CNTRL: variants seen among roughly 807,000 people sequenced by gnomAD.
CNTRL encodes centriolin.
In CNTRL, 233 loss-of-function variants were observed where a neutral mutation model predicts 303.7. The ratio of observed to expected loss-of-function variants is 0.77; its 90% CI spans 0.69 to 0.86. The LOEUF is 0.86. Ranked by LOEUF, CNTRL falls within the 40% of genes least tolerant of loss-of-function variation. The pLI is 0.00. For missense variants in CNTRL, 2,524 were observed against 2,650.6 expected (o/e 0.95, Z 1.05); for synonymous variants, 900 against 922.2 (o/e 0.98, Z 0.44).
intron 14 of CNTRL, among the ~76,000 whole-genome samples, chr9:121,128,456 T>C (rs1210417425): frequency 3.9e-5 from 6 of 152,260 alleles, no homozygotes; most frequent in Non-Finnish European, 8.8e-5. Flanking sequence ...TTGAGAAATG[T>C]CTATTCGTAT....
rs1314388164 is a variant in CNTRL, at chr9:121,154,912, AG to A, written c.4365+1del. 6.2e-7 allele frequency: 1 copy of A among 1,613,954 alleles called. No individual in the cohort carries two copies. ...AESELSCTKE[K>X]TKNAVEKFTD... The stretch of plus-strand genomic sequence containing the variant: ...AGTGAACTTTCATGCACTAAAGAAA[AG>A]GTTTGTCTTCTTGTGGTTTGGGGTG... On this transcript the variant is annotated frameshift_variant and splice_region_variant, in exon 27 of 44. Coordinates refer to ENST00000373855, the MANE Select transcript of CNTRL (RefSeq NM_007018.6). LOFTEE classifies it high-confidence loss of function.
chr9:121,110,686 G>C lies in CNTRL; in HGVS notation c.1003-1773G>C, dbSNP rs114305142. 8.6e-3 allele frequency among the ~76,000 whole-genome samples: 1,308 copies of C among 151,846 alleles called. 24 individuals are homozygous for C. Among genetic ancestry groups the C allele is most frequent in the African/African-American group, 0.03 (1,234 of 41,264 alleles). ...GCTTGTCTTCTTGGGAAATGTGGTT[G>C]TGTGCGTATGTATTATTTTTTTTTA... On this transcript the variant is annotated intron_variant, in intron 8 of 43. Transcript: ENST00000373855.
At chr9:121,101,266 A>G (rs555551531) in intron 7 of CNTRL, among the ~76,000 whole-genome samples, 24 of 152,352 alleles carry the variant, frequency 1.6e-4, no homozygotes, top group African/African-American at 3.8e-4. Context: ...CCGCTCAACT[A>G]CATGGAAACT....
intron 8 of CNTRL, among the ~76,000 whole-genome samples, chr9:121,110,463 T>G (rs1315524438): frequency 6.6e-6 from 1 of 152,102 alleles, no homozygotes; most frequent in Non-Finnish European, 1.5e-5. Flanking sequence ...GCAACTTGTA[T>G]TATTACAGTT....
chr9:121,144,219 T>A, intron 20 of CNTRL, 137 bp downstream of exon 20: 1 of 722,466 alleles, frequency 1.4e-6, no homozygotes, highest in Non-Finnish European at 2.2e-6. Flanking sequence ...TCTTAAGACC[T>A]AAAGATTATA....
At chr9:121,165,872 T>C (rs2053069608) in intron 35 of CNTRL, among the ~76,000 whole-genome samples, 1 of 152,196 alleles carries the variant, frequency 6.6e-6, no homozygotes, top group Non-Finnish European at 1.5e-5. Context: ...GTATTATCTG[T>C]AATTTTTTCG....
chr9:121,132,690 C>A (rs2050936314), intron 14 of CNTRL, among the ~76,000 whole-genome samples: 1 of 152,162 alleles, frequency 6.6e-6, no homozygotes. Flanking sequence ...TGAGAAGCTG[C>A]CATCCTTTGG....
intron 25 of CNTRL, chr9:121,150,716 C>T (rs1242500407): frequency 8.4e-6 from 4 of 478,292 alleles, no homozygotes; most frequent in African/African-American, 5.9e-5. Context: ...ATTGCTTGAG[C>T]CTAGGAATTC....
chr9:121,089,090 G>A (rs1295131618), intron 3 of CNTRL, among the ~76,000 whole-genome samples: 2 of 152,168 alleles, frequency 1.3e-5, no homozygotes, highest in Non-Finnish European at 2.9e-5. Flanking sequence ...AACTTCAAAA[G>A]TAAGTTATTC....
intron 4 of CNTRL, 152 bp downstream of exon 4, chr9:121,090,557 C>G (rs1402751651): frequency 1.4e-6 from 1 of 713,978 alleles, no homozygotes; most frequent in Non-Finnish European, 2.2e-6. Context: ...TATGACATTT[C>G]CAAATTAATA....
intron 8 of CNTRL, among the ~76,000 whole-genome samples, chr9:121,108,807 A>G (rs2049603730): frequency 6.6e-6 from 1 of 152,130 alleles, no homozygotes; most frequent in Non-Finnish European, 1.5e-5. Context: ...TTTATATACA[A>G]AATTAATGTA....
chr9:121,090,713 T>C (rs1415421051), intron 4 of CNTRL, among the ~76,000 whole-genome samples: 1 of 152,258 alleles, frequency 6.6e-6, no homozygotes, highest in Non-Finnish European at 1.5e-5. Context: ...GTTTACATAT[T>C]GTCTGTGGTT....
chr9:121,123,984 C>T lies in CNTRL; in HGVS notation c.1704C>T (p.Asn568=). The change falls in exon 13 of 44, where the codon AAC becomes AAT. Residue 568 remains asparagine (N), a synonymous_variant. Transcript: ENST00000373855. ...AAGAACAACAGCTTGACATTATGAA[C>T]AAGCAGTACCAACAACTTGAAAGTC... The part of the protein sequence containing the change: ...SGKEQQLDIM[N]KQYQQLESRL... The T allele has an allele frequency of 6.2e-7, 1 of 1,611,480 alleles. No individual in the cohort carries two copies. Among genetic ancestry groups the T allele is most frequent in the Non-Finnish European group, 8.5e-7 (1 of 1,178,886 alleles).
intron 8 of CNTRL, among the ~76,000 whole-genome samples, chr9:121,112,136 A>T (rs2049774389): frequency 6.6e-6 from 1 of 152,194 alleles, no homozygotes; most frequent in South Asian, 2.1e-4. Context: ...GGTATTTATT[A>T]GGCCAGTTAC....
chr9:121,122,013 G>A, intron 12 of CNTRL: 1 of 791,962 alleles, frequency 1.3e-6, no homozygotes, highest in South Asian at 5.8e-5. Flanking sequence ...AGAGATGTAA[G>A]TTCCTGTTTT....
At position 121,161,961 on chromosome 9, in the gene CNTRL, C is replaced by T; in HGVS notation, c.5195C>T (p.Ala1732Val). ...TCTGAATTAGAGAAGACTCAGGTGGCAGTGCTAGAGGTAATGAACAAAGCC... is the reference window on the plus strand; with the variant it reads ...TCTGAATTAGAGAAGACTCAGGTGGTAGTGCTAGAGGTAATGAACAAAGCC... Reference protein sequence around the residue: ...RVSELEKTQVAVLEEKLELEN... With the variant: ...RVSELEKTQVVVLEEKLELEN... Residue 1732 changes from alanine to valine, a missense_variant, in exon 33 of 44, where the codon GCA becomes GTA. Transcript: ENST00000373855. 6.2e-7 allele frequency: 1 copy of T among 1,613,798 alleles called. No individual in the cohort carries two copies. The highest frequency in any genetic ancestry group is 8.5e-7 in the Non-Finnish European group (1 of 1,179,710).
chr9:121,143,553 A>T (rs2051650223), intron 19 of CNTRL, among the ~76,000 whole-genome samples: 1 of 152,128 alleles, frequency 6.6e-6, no homozygotes, highest in South Asian at 2.1e-4. Flanking sequence ...TGCTCCTCCT[A>T]TCATTTTCTC....
chr9:121,157,552 G>T lies in CNTRL; in HGVS notation c.4448G>T (p.Arg1483Ile). ...TCAGATGCTGAGGAATTAGAAAGGA[G>T]AGCTCAGGAAACTGCTGTTAACCTC... The part of the protein sequence containing the change: ...TESDAEELER[R>I]AQETAVNLVK... Residue 1483 changes from arginine to isoleucine, a missense_variant, in exon 28 of 44, where the codon AGA (arginine) becomes ATA (isoleucine). Arg to Ile is a moderately conservative substitution (Grantham distance 97). Coordinates refer to ENST00000373855, the MANE Select transcript of CNTRL (RefSeq NM_007018.6). 6.2e-7 allele frequency: 1 copy of T among 1,614,162 alleles called. No individual in the cohort carries two copies. The highest frequency in any genetic ancestry group is 8.5e-7 in the Non-Finnish European group (1 of 1,180,006).
intron 36 of CNTRL, among the ~76,000 whole-genome samples, chr9:121,166,473 A>G (rs2053095640): frequency 6.6e-6 from 1 of 152,174 alleles, no homozygotes; most frequent in South Asian, 2.1e-4. Flanking sequence ...TTGGGGTTTC[A>G]GGGACCAGAT....
Sources: gnomAD v4.1 joint callset for allele counts (sites outside exome capture counted in the v4.1 genomes callset) on GRCh38, gnomAD v4.1.1 for gene constraint, MANE v1.5 for transcripts, NCBI Gene and HGNC (gene_info 2026-07-23, HGNC 2026-07-21) for gene names.